RAB38: variants seen among roughly 807,000 people sequenced by gnomAD.
RAB38 encodes ras-related protein Rab-38.
In RAB38, 15 loss-of-function variants were observed where a neutral mutation model predicts 18.4. That is an observed-to-expected ratio of 0.82 (90% CI 0.55 to 1.26). RAB38 has a LOEUF of 1.26. Among genes scored for constraint, RAB38 ranks in the 50% most tolerant of loss-of-function variants. The pLI, the probability that RAB38 is intolerant of heterozygous loss-of-function variation, is 0.00. For missense variants in RAB38, 294 were observed against 267.4 expected (o/e 1.10, Z -0.69); for synonymous variants, 101 against 104.4 (o/e 0.97, Z 0.20).
chr11:88,072,607 T>A, the RAB38 span, among the ~76,000 whole-genome samples: 1 of 152,094 alleles, frequency 6.6e-6, no homozygotes. Context: ...GCAGATTGCA[T>A]GAATTTAAAC....
chr11:88,067,193 A>T, the RAB38 span, among the ~76,000 whole-genome samples: 2 of 152,346 alleles, frequency 1.3e-5, no homozygotes, highest in African/African-American at 4.8e-5. Context: ...AACATTAAGA[A>T]GGTAAAGAGG....
At chr11:87,937,058 G>A in the RAB38 span, among the ~76,000 whole-genome samples, 1 of 151,470 alleles carries the variant, frequency 6.6e-6, no homozygotes, top group East Asian at 1.9e-4. Context: ...TTGCTTTTAG[G>A]GGAAAAATAT....
the RAB38 span, among the ~76,000 whole-genome samples, chr11:87,878,971 A>ATTTTTTTTTTT: frequency 3.0e-5 from 4 of 133,758 alleles, no homozygotes; most frequent in African/African-American, 2.6e-5. Context: ...GCAATTACTG[A>ATTTTTTTTTTT]TTTTTTTTTT....
the RAB38 span, among the ~76,000 whole-genome samples, chr11:88,004,044 G>T: frequency 6.7e-5 from 9 of 135,004 alleles, no homozygotes; most frequent in Non-Finnish European, 1.4e-4. Context: ...TATATATATG[G>T]GAGAAGGTAT....
chr11:88,031,631 T>A, the RAB38 span, among the ~76,000 whole-genome samples: 1 of 151,752 alleles, frequency 6.6e-6, no homozygotes, highest in African/African-American at 2.4e-5. Flanking sequence ...TATTCACAAT[T>A]GCTTCAAAGA....
chr11:87,846,713 C>A, the RAB38 span, among the ~76,000 whole-genome samples: 1 of 151,976 alleles, frequency 6.6e-6, no homozygotes, highest in East Asian at 1.9e-4. Flanking sequence ...ATTTGTAGAG[C>A]AGTCTATCTA....
intron 1 of RAB38, chr11:88,173,698 G>C (rs567820415): frequency 1.0e-6 from 1 of 982,270 alleles, no homozygotes; most frequent in Non-Finnish European, 1.2e-6. Flanking sequence ...CATGCAGCAA[G>C]AAAGTACACA....
the RAB38 span, among the ~76,000 whole-genome samples, chr11:87,965,911 A>T: frequency 6.6e-6 from 1 of 152,174 alleles, no homozygotes; most frequent in Non-Finnish European, 1.5e-5. Flanking sequence ...TTATAGAGGG[A>T]ACTAAACATG....
chr11:87,952,232 C>T, the RAB38 span, among the ~76,000 whole-genome samples: 1 of 152,148 alleles, frequency 6.6e-6, no homozygotes, highest in African/African-American at 2.4e-5. Context: ...TTCCACAGGC[C>T]TCTTTTGTAT....
the RAB38 span, among the ~76,000 whole-genome samples, chr11:87,832,523 T>C: frequency 1.3e-5 from 2 of 152,152 alleles, no homozygotes; most frequent in Admixed American, 6.6e-5. Context: ...TTCCTTGTAG[T>C]TGTGGGACTG....
the RAB38 span, among the ~76,000 whole-genome samples, chr11:87,809,763 T>G: frequency 6.6e-6 from 1 of 152,220 alleles, no homozygotes; most frequent in Non-Finnish European, 1.5e-5. Context: ...CATTTTATCC[T>G]CAATTTGTTT....
chr11:87,956,320 G>C, the RAB38 span, among the ~76,000 whole-genome samples: 1 of 152,086 alleles, frequency 6.6e-6, no homozygotes, highest in Non-Finnish European at 1.5e-5. Flanking sequence ...AAATTACACA[G>C]AGCATAACAC....
chr11:87,874,029 T>A, the RAB38 span, among the ~76,000 whole-genome samples: 2 of 150,070 alleles, frequency 1.3e-5, no homozygotes, highest in Non-Finnish European at 3.0e-5. Context: ...TTTCTTTGTG[T>A]TACTTTTTGA....
At chr11:87,898,794 A>G in the RAB38 span, among the ~76,000 whole-genome samples, 2 of 151,722 alleles carry the variant, frequency 1.3e-5, no homozygotes, top group African/African-American at 2.4e-5. Flanking sequence ...AGTTACTGTA[A>G]TCCACCACAG....
At chr11:88,145,368 C>G (rs1229636846) in intron 2 of RAB38, among the ~76,000 whole-genome samples, 1 of 152,016 alleles carries the variant, frequency 6.6e-6, no homozygotes, top group East Asian at 1.9e-4. Flanking sequence ...AGGCTGGTCT[C>G]GAACTCCTGA....
chr11:87,935,789 A>C, the RAB38 span, among the ~76,000 whole-genome samples: 1 of 152,162 alleles, frequency 6.6e-6, no homozygotes, highest in South Asian at 2.1e-4. Flanking sequence ...CCTGTTCTTC[A>C]TTTTATAATT....
chr11:88,089,576 A>G, the RAB38 span, among the ~76,000 whole-genome samples: 1 of 151,870 alleles, frequency 6.6e-6, no homozygotes, highest in African/African-American at 2.4e-5. Flanking sequence ...CCTTGCTACA[A>G]TTGACTGGCT....
At chr11:88,123,636 C>A (rs1942656772) in intron 2 of RAB38, among the ~76,000 whole-genome samples, 2 of 152,210 alleles carry the variant, frequency 1.3e-5, no homozygotes, top group South Asian at 2.1e-4. Flanking sequence ...TAATTTTGTT[C>A]TTTTAAAAAT....
chr11:88,095,120 GATT>G, the RAB38 span, among the ~76,000 whole-genome samples: 3 of 151,528 alleles, frequency 2.0e-5, no homozygotes, highest in East Asian at 2.0e-4. Flanking sequence ...CAGTCTATTG[GATT>G]ATATCTTTCA....
Sources: allele counts gnomAD v4.1 joint callset (sites outside exome capture counted in the v4.1 genomes callset), GRCh38; gene constraint gnomAD v4.1.1; transcripts MANE v1.5; gene names NCBI Gene and HGNC (gene_info 2026-07-23, HGNC 2026-07-21).